SPTY2D1: variants seen among roughly 807,000 people sequenced by gnomAD.
SPTY2D1 encodes protein SPT2 homolog.
SPTY2D1 carries 21 observed loss-of-function variants against 64.0 expected under a neutral mutation model. The observed-to-expected ratio is 0.33, with a 90% CI of 0.23 to 0.47. The LOEUF is 0.47. Among genes scored for constraint, SPTY2D1 ranks in the 20% least tolerant of loss-of-function variants. The pLI is 1.00. For missense variants in SPTY2D1, 724 were observed against 837.2 expected (o/e 0.86, Z 1.67); for synonymous variants, 287 against 286.8 (o/e 1.00, Z -0.01).
intron 3 of SPTY2D1, among the ~76,000 whole-genome samples, chr11:18,613,731 T>C (rs573871540): frequency 6.6e-6 from 1 of 152,174 alleles, no homozygotes; most frequent in Non-Finnish European, 1.5e-5. Context: ...TCTATTAGCA[T>C]AAAGCAAGTA....
Position 18,616,076 on chromosome 11 carries a change from T to A in SPTY2D1, c.198A>T (p.Lys66Asn). The A allele has an allele frequency of 6.2e-7, 1 of 1,607,994 alleles. No homozygotes were observed. The highest frequency in any genetic ancestry group is 8.5e-7 in the Non-Finnish European group (1 of 1,177,222). ...RRKALEEKRR[K>N]EELVKKRIEL... ...CAATTCGCTTTTTCACTAGTTCCTC[T>A]TTTCTCCTTTTCTCCTCTAAGGCTA... is the stretch of plus-strand genomic sequence containing the variant. Residue 66 changes from lysine (K) to asparagine (N), a missense_variant, in exon 3 of 6, where the codon AAA becomes AAT. Physicochemically the swap from Lys to Asn is moderately conservative, Grantham distance 94. This residue lies in a region of SPTY2D1 where 179 missense variants were observed against 232.5 expected (regional missense o/e 0.77). Coordinates refer to ENST00000336349, the MANE Select transcript of SPTY2D1 (RefSeq NM_194285.3).
At chr11:18,620,209 T>A (rs1210331736) in intron 1 of SPTY2D1, among the ~76,000 whole-genome samples, 1 of 152,172 alleles carries the variant, frequency 6.6e-6, no homozygotes, top group Non-Finnish European at 1.5e-5. Context: ...GTGCGGTGGT[T>A]CACGCCTGTA....
At chr11:18,622,670 G>A (rs999097667) in intron 1 of SPTY2D1, among the ~76,000 whole-genome samples, 1 of 151,980 alleles carries the variant, frequency 6.6e-6, no homozygotes, top group African/African-American at 2.4e-5. Context: ...AAAAAATTCC[G>A]GCTGGGCGCG....
Position 18,616,922 on chromosome 11 carries a change from G to T in SPTY2D1, c.128C>A (p.Ala43Asp), listed in dbSNP as rs747907119. The T allele has an allele frequency of 6.2e-7, 1 of 1,614,154 alleles. No individual in the cohort carries two copies. The highest frequency in any genetic ancestry group is 8.5e-7 in the Non-Finnish European group (1 of 1,180,026). ...DPKVKGVQSA[A>D]VQAFLKRKEE... ...TTTCCTTTTAAGAAAAGCTTGTACA[G>T]CTGCTGATTGGACACCTTTAACTTT... Residue 43 changes from alanine (A) to aspartate (D), a missense_variant, in exon 2 of 6, where the codon GCT becomes GAT. This residue lies in a region of SPTY2D1 where 179 missense variants were observed against 232.5 expected (regional missense o/e 0.77). Coordinates refer to ENST00000336349, the MANE Select transcript of SPTY2D1 (RefSeq NM_194285.3).
At chr11:18,617,625 C>CAAAAAAA (rs71050616) in intron 1 of SPTY2D1, among the ~76,000 whole-genome samples, 1 of 66,376 alleles carries the variant, frequency 1.5e-5, no homozygotes, top group African/African-American at 6.2e-5. Context: ...GACTCCGTCT[C>CAAAAAAA]AAAAAAAAAA....
At position 18,634,166 on chromosome 11, in the gene SPTY2D1, T is replaced by C. The variant is rs573426224; in HGVS notation, c.60+32A>G. The C allele has an allele frequency of 4.3e-6, 7 of 1,612,820 alleles. No homozygotes were observed. The Admixed American group carries it at 1.0e-4, about 23-fold the overall frequency. ...ACATTCCGAACTTGGAAGACTAGGG[T>C]CCCCTACATTGATGCCCCAGCTGCT... is the stretch of plus-strand genomic sequence containing the variant. On this transcript the variant is annotated intron_variant, in intron 1 of 5. Transcript: ENST00000336349.
intron 1 of SPTY2D1, among the ~76,000 whole-genome samples, chr11:18,621,655 T>TACA (rs1854407070): frequency 1.3e-5 from 2 of 152,314 alleles, no homozygotes; most frequent in South Asian, 4.1e-4. Flanking sequence ...AATAAATCTA[T>TACA]ACAATGTCTA....
intron 3 of SPTY2D1, among the ~76,000 whole-genome samples, chr11:18,613,745 C>A (rs1438178511): frequency 1.3e-5 from 2 of 152,146 alleles, no homozygotes; most frequent in African/African-American, 2.4e-5. Flanking sequence ...GCAAGTACGA[C>A]CTAGCAGCTA....
intron 1 of SPTY2D1, among the ~76,000 whole-genome samples, chr11:18,618,471 A>T (rs1313929601): frequency 6.6e-6 from 1 of 152,228 alleles, no homozygotes; most frequent in African/African-American, 2.4e-5. Context: ...ATAAGTACCT[A>T]TTATGAGAGA....
At chr11:18,629,071 A>C (rs1477408026) in intron 1 of SPTY2D1, among the ~76,000 whole-genome samples, 1 of 152,170 alleles carries the variant, frequency 6.6e-6, no homozygotes, top group African/African-American at 2.4e-5. Flanking sequence ...GTACCACATG[A>C]AGGTTTGCCC....
At chr11:18,614,473 G>T (rs1854255576) in intron 3 of SPTY2D1, 90 bp downstream of exon 3, 1 of 1,224,612 alleles carries the variant, frequency 8.2e-7, no homozygotes, top group Non-Finnish European at 1.2e-6. Context: ...GACAGCACAT[G>T]AGGGGTTCAA....
chr11:18,632,627 G>C, intron 1 of SPTY2D1, among the ~76,000 whole-genome samples: 1 of 152,176 alleles, frequency 6.6e-6, no homozygotes, highest in East Asian at 1.9e-4. Context: ...GGGATTACAG[G>C]CCTGAGCCAT....
At chr11:18,614,214 G>A (rs1004844103) in intron 3 of SPTY2D1, among the ~76,000 whole-genome samples, 10 of 152,108 alleles carry the variant, frequency 6.6e-5, no homozygotes, top group African/African-American at 1.7e-4. Flanking sequence ...TCTGAGCCCC[G>A]GAGTTAGAAA....
chr11:18,623,954 A>G (rs1031535755), intron 1 of SPTY2D1, among the ~76,000 whole-genome samples: 4 of 152,210 alleles, frequency 2.6e-5, no homozygotes, highest in African/African-American at 9.7e-5. Context: ...CATCAACTGA[A>G]TATTCGGATT....
intron 1 of SPTY2D1, among the ~76,000 whole-genome samples, chr11:18,631,664 A>G (rs1197883101): frequency 6.6e-6 from 1 of 151,972 alleles, no homozygotes; most frequent in Non-Finnish European, 1.5e-5. Context: ...AAAAAAAGAA[A>G]AAAAGCTTTA....
intron 1 of SPTY2D1, among the ~76,000 whole-genome samples, chr11:18,632,929 T>C: frequency 6.6e-6 from 1 of 152,166 alleles, no homozygotes; most frequent in East Asian, 1.9e-4. Context: ...CAAAGATGAA[T>C]GGTTACTAGA....
chr11:18,634,064 G>A lies in SPTY2D1; in HGVS notation c.60+134C>T, dbSNP rs1203941153. 5.1e-6 allele frequency: 5 copies of A among 972,872 alleles called. No individual in the cohort carries two copies. The African/African-American group carries it at 6.6e-5, about 13-fold the overall frequency. 60.3% of individuals were successfully genotyped at this position (972,872 alleles called of 1,614,324 possible). ...CGAGTTCCCAAGAGTATAAACCCAA[G>A]AAAAGGAAATAAGGCGTCCGGGTCT... On this transcript the variant is annotated intron_variant, in intron 1 of 5. Coordinates refer to ENST00000336349, the MANE Select transcript of SPTY2D1 (RefSeq NM_194285.3).
chr11:18,617,075 G>A (rs1330902468), intron 1 of SPTY2D1, 86 bp from the exon 2 acceptor site: 3 of 1,059,508 alleles, frequency 2.8e-6, no homozygotes, highest in Non-Finnish European at 4.3e-6. Flanking sequence ...GGTAATAAGA[G>A]GTATAAATGT....
rs907931299 is a variant in SPTY2D1, at chr11:18,614,703, A to T, written c.1571T>A (p.Val524Asp). The stretch of plus-strand genomic sequence containing the variant: ...CTTTATAGTGGGACCTGAGCTACTA[A>T]CTGTTTGCCCAGGTCCCAAGCTGCT... Reference protein sequence around the residue: ...PVSSLGPGQTVSSSGPTIKPK... With the variant: ...PVSSLGPGQTDSSSGPTIKPK... Residue 524 changes from valine to aspartate, a missense_variant, in exon 3 of 6, where the codon GTT (valine) becomes GAT (aspartate). By Grantham distance (152) the Val-to-Asp change is radical (BLOSUM62 -3). Transcript: ENST00000336349. The T allele has an allele frequency of 1.1e-5, 17 of 1,614,112 alleles. No individual in the cohort carries two copies. In the African/African-American group the frequency reaches 1.6e-4, roughly 15 times the overall value.
Sources: allele counts gnomAD v4.1 joint callset (sites outside exome capture counted in the v4.1 genomes callset), GRCh38; gene constraint gnomAD v4.1.1; regional missense constraint gnomAD v4.1.1; transcripts MANE v1.5; gene names NCBI Gene and HGNC (gene_info 2026-07-23, HGNC 2026-07-21).